Variants in LRMDA observed in about 807,000 individuals in gnomAD.
LRMDA encodes the protein leucine rich melanocyte differentiation associated.
LRMDA carries 18 observed loss-of-function variants against 29.8 expected under a neutral mutation model. The ratio of observed to expected loss-of-function variants is 0.60; its 90% CI spans 0.42 to 0.90. The LOEUF (loss-of-function observed/expected upper bound fraction) is 0.90, where lower values mean the gene tolerates loss of function less well. Ranked by LOEUF, LRMDA falls within the 40% of genes least tolerant of loss-of-function variation. LRMDA has a pLI of 0.00. For missense variants in LRMDA, 273 were observed against 273.9 expected (o/e 1.00, Z 0.02); for synonymous variants, 125 against 109.4 (o/e 1.14, Z -0.89).
At chr10:76,145,790 C>A (rs1469348705) in intron 5 of LRMDA, among the ~76,000 whole-genome samples, 2 of 151,938 alleles carry the variant, frequency 1.3e-5, no homozygotes, top group Admixed American at 1.3e-4. Flanking sequence ...GTTAGGGTGT[C>A]ACTTTTAGAT....
chr10:75,438,265 T>A, intron 1 of LRMDA, 129 bp from the exon 2 acceptor site: 1 of 739,826 alleles, frequency 1.4e-6, no homozygotes, highest in Non-Finnish European at 2.3e-6. Context: ...GTCACAAGTG[T>A]GGCCTTTTTG....
chr10:76,527,025 A>T (rs909091498), intron 6 of LRMDA, among the ~76,000 whole-genome samples: 2 of 141,794 alleles, frequency 1.4e-5, no homozygotes, highest in Admixed American at 7.1e-5. Context: ...AATAAATAAA[A>T]ATGCCCTAAA....
At chr10:75,437,098 C>T (rs1463336173) in intron 1 of LRMDA, among the ~76,000 whole-genome samples, 1 of 152,192 alleles carries the variant, frequency 6.6e-6, no homozygotes, top group Non-Finnish European at 1.5e-5. Context: ...TAGGATATTG[C>T]ATTGTCAGCA....
intron 2 of LRMDA, among the ~76,000 whole-genome samples, chr10:75,512,077 C>T (rs1214155213): frequency 6.6e-6 from 1 of 151,830 alleles, no homozygotes; most frequent in Non-Finnish European, 1.5e-5. Context: ...AATAAAACTA[C>T]TAGCACCACC....
At chr10:76,405,700 C>T (rs1841895533) in intron 6 of LRMDA, among the ~76,000 whole-genome samples, 1 of 152,178 alleles carries the variant, frequency 6.6e-6, no homozygotes, top group Non-Finnish European at 1.5e-5. Flanking sequence ...GCAGTGGAGA[C>T]AATCACATTG....
At chr10:76,409,176 CAAT>C (rs1468303390) in intron 6 of LRMDA, among the ~76,000 whole-genome samples, 1 of 152,164 alleles carries the variant, frequency 6.6e-6, no homozygotes, top group Non-Finnish European at 1.5e-5. Flanking sequence ...GTACCACACT[CAAT>C]AATGGTGAGA....
intron 2 of LRMDA, among the ~76,000 whole-genome samples, chr10:75,702,338 T>A (rs1245384588): frequency 6.6e-5 from 10 of 152,222 alleles, no homozygotes; most frequent in African/African-American, 2.2e-4. Context: ...ATGAAGCTTT[T>A]CAAGAGAGAA....
rs1212212590 is a variant in LRMDA at position 76,012,702 on chromosome 10, A to G, written c.132-23306A>G. Among the ~76,000 whole-genome samples, 9 of 152,280 alleles carry G rather than the reference A, an allele frequency of 5.9e-5. No homozygotes were observed. The East Asian group carries it at 9.7e-4, about 16-fold the overall frequency. On this transcript the variant is annotated intron_variant, in intron 2 of 6. Coordinates refer to ENST00000611255, the MANE Select transcript of LRMDA (RefSeq NM_001305581.2). ...ATATGCATGTATGTGCGTGTGACAG[A>G]CACTGAGTTAAACTCCTCATCATTA...
chr10:76,293,199 T>G (rs749197085), intron 5 of LRMDA, among the ~76,000 whole-genome samples: 3 of 152,178 alleles, frequency 2.0e-5, no homozygotes, highest in Non-Finnish European at 4.4e-5. Flanking sequence ...CAAGCTGTTT[T>G]TAAACTCCTG....
At chr10:76,488,405 C>T (rs796597801) in intron 6 of LRMDA, among the ~76,000 whole-genome samples, 4 of 151,826 alleles carry the variant, frequency 2.6e-5, no homozygotes, top group African/African-American at 9.6e-5. Context: ...ATTTTCTAGA[C>T]TATTATATAA....
At chr10:75,467,955 G>A (rs934466740) in intron 2 of LRMDA, among the ~76,000 whole-genome samples, 6 of 82,550 alleles carry the variant, frequency 7.3e-5, no homozygotes, top group African/African-American at 3.7e-4. Flanking sequence ...GTGAGACTCC[G>A]TCACACACAC....
chr10:75,453,526 A>AT (rs1393066366), intron 2 of LRMDA, among the ~76,000 whole-genome samples: 2 of 152,132 alleles, frequency 1.3e-5, no homozygotes, highest in African/African-American at 4.8e-5. Flanking sequence ...CAAAGGTGCC[A>AT]TTTTTTTCCC....
chr10:75,655,419 G>A (rs1430341), intron 2 of LRMDA, among the ~76,000 whole-genome samples: 4,679 of 152,330 alleles, frequency 0.031, 251 homozygotes, highest in African/African-American at 0.11. Context: ...AGTTCCCTTG[G>A]CAGGTGCCTT....
At chr10:75,457,845 A>C (rs1404118431) in intron 2 of LRMDA, among the ~76,000 whole-genome samples, 1 of 152,166 alleles carries the variant, frequency 6.6e-6, no homozygotes, top group Non-Finnish European at 1.5e-5. Flanking sequence ...ATGCACTTTA[A>C]ATCACTAACA....
At chr10:76,311,669 C>A (rs1589422508) in intron 5 of LRMDA, among the ~76,000 whole-genome samples, 1 of 152,190 alleles carries the variant, frequency 6.6e-6, no homozygotes. Flanking sequence ...ATACAATACA[C>A]AATTATTTCA....
At chr10:76,431,285 G>A (rs147028583) in intron 6 of LRMDA, among the ~76,000 whole-genome samples, 31 of 152,250 alleles carry the variant, frequency 2.0e-4, no homozygotes, top group Middle Eastern at 3.4e-3. Flanking sequence ...GCATGGATGC[G>A]AACGGGCCCA....
chr10:75,534,334 A>C (rs1427854034), intron 2 of LRMDA, among the ~76,000 whole-genome samples: 1 of 152,134 alleles, frequency 6.6e-6, no homozygotes, highest in Non-Finnish European at 1.5e-5. Flanking sequence ...TCCTCCTGGG[A>C]CTTGCTGTCA....
intron 2 of LRMDA, among the ~76,000 whole-genome samples, chr10:75,971,370 G>A (rs943947179): frequency 6.6e-6 from 1 of 152,174 alleles, no homozygotes; most frequent in African/African-American, 2.4e-5. Flanking sequence ...GGTTTATGTA[G>A]TGCTTGTCAA....
At chr10:76,369,485 T>C (rs1008393574) in intron 6 of LRMDA, among the ~76,000 whole-genome samples, 5 of 152,196 alleles carry the variant, frequency 3.3e-5, no homozygotes, top group African/African-American at 1.2e-4. Context: ...AATCTGCTGT[T>C]AATCTGATAG....
Sources: gnomAD v4.1 joint callset for allele counts (sites outside exome capture counted in the v4.1 genomes callset) on GRCh38, gnomAD v4.1.1 for gene constraint, MANE v1.5 for transcripts, NCBI Gene and HGNC (gene_info 2026-07-23, HGNC 2026-07-21) for gene names.